ADPRHL1: variants seen among roughly 807,000 people sequenced by gnomAD.
ADPRHL1 encodes the protein inactive ADP-ribosyltransferase ARH2.
A neutral mutation model predicts 44.1 loss-of-function variants in ADPRHL1; 43 were observed. The ratio of observed to expected loss-of-function variants is 0.98; its 90% CI spans 0.76 to 1.26. The LOEUF (loss-of-function observed/expected upper bound fraction) is 1.26. Ranked by LOEUF, ADPRHL1 falls within the 50% of genes most tolerant of loss-of-function variation. The probability of loss-of-function intolerance (pLI) is 0.00; values close to 1 mark genes in which losing one functional copy is unlikely to be tolerated. For missense variants in ADPRHL1, 2,022 were observed against 2,496.9 expected (o/e 0.81, Z 4.05); for synonymous variants, 878 against 1,017.4 (o/e 0.86, Z 2.61).
chr13:113,449,008 G>A (rs1011844985), intron 1 of ADPRHL1: 8 of 986,284 alleles, frequency 8.1e-6, no homozygotes, highest in Admixed American at 1.2e-4. Context: ...CCTGCTAAAC[G>A]CTTGCCAAGT....
In ADPRHL1 at chr13:113,408,024, G is replaced by A. The variant is rs2043822111; in HGVS notation, c.1258C>T (p.Gln420Ter). 1 of 1,232,938 alleles carries A rather than the reference G, an allele frequency of 8.1e-7. No individual in the cohort carries two copies. Among genetic ancestry groups the A allele is most frequent in the South Asian group, 4.1e-5 (1 of 24,336 alleles). The allele number at this position is 1,232,938 out of a possible 1,614,324, so 76.4% of individuals were successfully genotyped here. The change falls in exon 8 of 8, where the codon CAG becomes TAG. Residue 420 changes from glutamine to a stop codon, truncating the protein, a stop_gained. Coordinates refer to ENST00000612156, the MANE Select transcript of ADPRHL1 (RefSeq NM_001394807.1). LOFTEE classifies it low-confidence loss of function (END_TRUNC). ...GSRPSHQPQT[Q>*]EATQRPTRFQ... is the part of the protein sequence containing the mutation. ...CGCGTGGGCCGCTGGGTGGCCTCCT[G>A]GGTCTGGGGCTGGTGGCTGGGCCTG...
intron 7 of ADPRHL1, among the ~76,000 whole-genome samples, chr13:113,410,423 T>G (rs73571482): frequency 0.011 from 1,749 of 152,186 alleles, 35 homozygotes; most frequent in African/African-American, 0.041. Context: ...GGGACCCCAC[T>G]CGGAACCACT....
intron 7 of ADPRHL1, among the ~76,000 whole-genome samples, chr13:113,410,784 T>G (rs1595538205): frequency 6.6e-6 from 1 of 152,152 alleles, no homozygotes; most frequent in South Asian, 2.1e-4. Context: ...GACCTCGGGG[T>G]TGGGGGACCA....
chr13:113,424,380 G>A (rs200663640), intron 5 of ADPRHL1, 31 bp from the exon 6 acceptor site: 1 of 1,611,902 alleles, frequency 6.2e-7, no homozygotes, highest in African/African-American at 1.3e-5. Flanking sequence ...CGGGGCGTGT[G>A]CCCAAGTGGA....
intron 7 of ADPRHL1, 79 bp downstream of exon 7, chr13:113,422,747 C>A: frequency 6.3e-7 from 1 of 1,577,342 alleles, no homozygotes; most frequent in Admixed American, 1.8e-5. Flanking sequence ...GACACCCTCA[C>A]CCAGGGGCTG....
chr13:113,414,639 C>T (rs2043878041), intron 7 of ADPRHL1, among the ~76,000 whole-genome samples: 1 of 151,824 alleles, frequency 6.6e-6, no homozygotes, highest in Non-Finnish European at 1.5e-5. Flanking sequence ...TGCCTCTGCA[C>T]ATCTCCCTGA....
chr13:113,423,696 G>A (rs1450651758), intron 6 of ADPRHL1, among the ~76,000 whole-genome samples: 1 of 152,278 alleles, frequency 6.6e-6, no homozygotes, highest in Non-Finnish European at 1.5e-5. Context: ...CTCCCTCCAT[G>A]GCCAGAGACG....
chr13:113,412,238 C>T (rs552306651), intron 7 of ADPRHL1, among the ~76,000 whole-genome samples: 25 of 152,252 alleles, frequency 1.6e-4, no homozygotes, highest in Middle Eastern at 3.4e-3. Flanking sequence ...ACTGCAGTGG[C>T]GCGATCTCGA....
intron 3 of ADPRHL1, among the ~76,000 whole-genome samples, chr13:113,432,793 C>T (rs916544996): frequency 1.3e-4 from 20 of 152,212 alleles, no homozygotes; most frequent in Admixed American, 7.9e-4. Flanking sequence ...AAAAGGTAAT[C>T]TTGAACGAGG....
intron 4 of ADPRHL1, among the ~76,000 whole-genome samples, chr13:113,427,229 GT>G (rs1465620709): frequency 2.6e-5 from 4 of 152,224 alleles, no homozygotes; most frequent in African/African-American, 9.6e-5. Context: ...GAGGAAAACC[GT>G]TTTGAATACC....
intron 5 of ADPRHL1, 26 bp from the exon 6 acceptor site, chr13:113,424,375 C>G: frequency 6.2e-7 from 1 of 1,612,100 alleles, no homozygotes; most frequent in East Asian, 2.2e-5. Context: ...TGGGTCGGGG[C>G]GTGTGCCCAA....
At position 113,402,483 on chromosome 13, in the gene ADPRHL1, G is replaced by C. The variant is rs898551030; in HGVS notation, c.*895C>G. On this transcript the variant is annotated 3_prime_UTR_variant, in exon 8 of 8. Coordinates refer to ENST00000612156, the MANE Select transcript of ADPRHL1 (RefSeq NM_001394807.1). ...CAGGGCCGGAGTCGTGGGCCGTCTC[G>C]GGCCAGGGCAGGAAACACTTCTATG... is the stretch of plus-strand genomic sequence containing the variant. The C allele has an allele frequency of 6.6e-6, 1 of 152,308 alleles. No individual in the cohort carries two copies. Among genetic ancestry groups the C allele is most frequent in the East Asian group, 1.9e-4 (1 of 5,180 alleles). 9.4% of individuals were successfully genotyped at this position (152,308 alleles called of 1,614,324 possible).
At chr13:113,422,566 C>T in intron 7 of ADPRHL1, 2 of 509,648 alleles carry the variant, frequency 3.9e-6, no homozygotes, top group Non-Finnish European at 7.0e-6. Flanking sequence ...GAGTGCCACG[C>T]ATGGAGGTCC....
intron 7 of ADPRHL1, among the ~76,000 whole-genome samples, chr13:113,410,850 CCCTA>C (rs2043847444): frequency 1.3e-5 from 2 of 152,222 alleles, no homozygotes; most frequent in African/African-American, 4.8e-5. Flanking sequence ...GGGTCAGCGG[CCCTA>C]CCTGCCTTCC....
rs1475779449 is a variant in ADPRHL1 at position 113,401,410 on chromosome 13, A to C, written c.*1968T>G. On this transcript the variant is annotated 3_prime_UTR_variant, in exon 8 of 8. Transcript: ENST00000612156. This position sits in a 1 kb window ranked among gnomAD's most constrained non-coding sequence, Gnocchi z 5.5. ...AGGGGTCCAGCGGCACCACAGCAAGACTTCTGTGGCCAAGTACACGCCATG... is the reference window on the plus strand; with the variant it reads ...AGGGGTCCAGCGGCACCACAGCAAGCCTTCTGTGGCCAAGTACACGCCATG... 1 of 152,126 alleles carries C rather than the reference A, an allele frequency of 6.6e-6. No individual in the cohort carries two copies. Among genetic ancestry groups the C allele is most frequent in the Non-Finnish European group, 1.5e-5 (1 of 68,150 alleles). The allele number at this position is 152,126 out of a possible 1,614,324, so 9.4% of individuals were successfully genotyped here.
intron 1 of ADPRHL1, among the ~76,000 whole-genome samples, chr13:113,447,646 C>T (rs113053785): frequency 3.9e-4 from 59 of 152,306 alleles, no homozygotes; most frequent in African/African-American, 1.3e-3. Flanking sequence ...TTTTACATGA[C>T]GCCATGTTCA....
At position 113,433,798 on chromosome 13, in the gene ADPRHL1, T is replaced by G. The variant is rs753843373; in HGVS notation, c.449A>C (p.Glu150Ala). The change falls in exon 3 of 8, where the codon GAG becomes GCG. Residue 150 changes from glutamate to alanine, a missense_variant. This residue lies in a region of ADPRHL1 where 437 missense variants were observed against 430.7 expected (regional missense o/e 1.01). Coordinates refer to ENST00000612156, the MANE Select transcript of ADPRHL1 (RefSeq NM_001394807.1). ...CTCCACGCTGACCTCGATGAGGGTC[T>G]CCAGCCGCTCAGGCTTCCAGTACCG... ...GLRYWKPERL[E>A]TLIEVSVECG... 2 of 1,588,598 alleles carry G rather than the reference T, an allele frequency of 1.3e-6. No homozygotes were observed. The highest frequency in any genetic ancestry group is 2.3e-5 in the South Asian group (2 of 87,290).
At chr13:113,423,405 G>A (rs1209938276) in intron 6 of ADPRHL1, among the ~76,000 whole-genome samples, 1 of 152,216 alleles carries the variant, frequency 6.6e-6, no homozygotes, top group African/African-American at 2.4e-5. Context: ...CAGAGGGAGG[G>A]GAGCCCGAGG....
rs897286456 is a variant in ADPRHL1 at position 113,423,205 on chromosome 13, C to T, written c.908-226G>A. ...CCGGGAGGCAGAGGTGGCAACGAGCCGAGATTGCCTCTCTGCACTCCAGCC... is the reference window on the plus strand; with the variant it reads ...CCGGGAGGCAGAGGTGGCAACGAGCTGAGATTGCCTCTCTGCACTCCAGCC... On this transcript the variant is annotated intron_variant, in intron 6 of 7. Transcript: ENST00000612156. 3.9e-5 allele frequency among the ~76,000 whole-genome samples: 6 copies of T among 152,134 alleles called. No homozygotes were observed. The South Asian group carries it at 6.2e-4, about 16-fold the overall frequency.
Sources: gnomAD v4.1 joint callset for allele counts (sites outside exome capture counted in the v4.1 genomes callset) on GRCh38, gnomAD v4.1.1 for gene constraint, gnomAD v4.1.1 regional missense constraint, Gnocchi (gnomAD v3.1) non-coding constraint, MANE v1.5 for transcripts, NCBI Gene and HGNC (gene_info 2026-07-23, HGNC 2026-07-21) for gene names.